The following SLF1 variants were observed in gnomAD, a reference collection of about 807,000 sequenced individuals.
SLF1 encodes SMC5/6 complex localization factor 1, also known as SMC5-SMC6 complex localization factor protein 1.
Under a neutral mutation model 123.0 loss-of-function variants are expected in SLF1, and 105 were observed. The ratio of observed to expected loss-of-function variants is 0.85; its 90% CI spans 0.73 to 1.00. SLF1 has a LOEUF of 1.00. Ranked by LOEUF, SLF1 falls within the 50% of genes least tolerant of loss-of-function variation. The probability of loss-of-function intolerance (pLI) is 0.00; values close to 1 mark genes in which losing one functional copy is unlikely to be tolerated. For synonymous variants in SLF1, 434 were observed against 406.6 expected (o/e 1.07, Z -0.81); for missense variants, 1,239 against 1,223.0 (o/e 1.01, Z -0.20).
chr5:94,649,829 C>T (rs1017619929), intron 6 of SLF1, among the ~76,000 whole-genome samples: 4 of 152,068 alleles, frequency 2.6e-5, no homozygotes, highest in Admixed American at 6.5e-5. Context: ...ATACATAGTG[C>T]GTTCTCAACA....
rs948422371 is a variant in SLF1, at chr5:94,627,600, A to G, written c.1-1211A>G. On this transcript the variant is annotated intron_variant, in intron 1 of 20. Coordinates refer to ENST00000265140, the MANE Select transcript of SLF1 (RefSeq NM_032290.4). ...ATGAAATTAACATATATATATATAT[A>G]TATATATATATATATATATAGCAAA... is the stretch of plus-strand genomic sequence containing the variant. Among the ~76,000 whole-genome samples the G allele has an allele frequency of 2.2e-4, 28 of 125,836 alleles. No individual in the cohort carries two copies. The South Asian group carries it at 3.4e-3, about 15-fold the overall frequency. The allele number at this position is 125,836 out of a possible 152,430, so 82.6% of individuals were successfully genotyped here.
Position 94,638,073 on chromosome 5 carries a change from C to A in SLF1, c.432-5200C>A, listed in dbSNP as rs898214602. 2.0e-5 allele frequency among the ~76,000 whole-genome samples: 3 copies of A among 152,096 alleles called. No individual in the cohort carries two copies. The South Asian group carries it at 6.2e-4, about 32-fold the overall frequency. ...GCAGGTGCTGTGCTGTTGACTGATA[C>A]CTCTGATTTGGTGCCATTGATGGCA... On this transcript the variant is annotated intron_variant, in intron 4 of 20. Transcript: ENST00000265140.
rs1745102361 is a variant in SLF1 at position 94,630,703 on chromosome 5, C to T, written c.391C>T (p.Leu131Phe). 6.4e-7 allele frequency: 1 copy of T among 1,551,504 alleles called. No individual in the cohort carries two copies. The highest frequency in any genetic ancestry group is 8.7e-7 in the Non-Finnish European group (1 of 1,146,952). ...PGAFHRWKVV[L>F]LVRTDKRSDS... The stretch of plus-strand genomic sequence containing the variant: ...AGCCTTCCACAGATGGAAAGTTGTC[C>T]TCCTTGTTAGAACTGATAAGCGAAG... Residue 131 changes from leucine (L) to phenylalanine (F), a missense_variant, in exon 4 of 21, where the codon CTC becomes TTC. Transcript: ENST00000265140.
At chr5:94,678,713 C>G in intron 14 of SLF1, 95 bp from the exon 15 acceptor site, 1 of 1,093,734 alleles carries the variant, frequency 9.1e-7, no homozygotes, top group Non-Finnish European at 1.3e-6. Context: ...TTTTAAATAG[C>G]TATGTTTTGC....
intron 1 of SLF1, among the ~76,000 whole-genome samples, chr5:94,622,570 A>AC (rs1644633014): frequency 1.3e-5 from 2 of 152,178 alleles, no homozygotes; most frequent in African/African-American, 4.8e-5. Context: ...CCCAGTGTTA[A>AC]CAATGGTATT....
chr5:94,631,175 T>G (rs2152467378), intron 4 of SLF1, among the ~76,000 whole-genome samples: 1 of 152,288 alleles, frequency 6.6e-6, no homozygotes, highest in Non-Finnish European at 1.5e-5. Flanking sequence ...TTTAAAAGCT[T>G]TTTTATTGGG....
At chr5:94,675,904 A>ATTTTTTTTTTTTTTTTTTTTTT (rs70978120) in intron 14 of SLF1, among the ~76,000 whole-genome samples, 3 of 121,716 alleles carry the variant, frequency 2.5e-5, no homozygotes, top group African/African-American at 3.1e-5. Context: ...CAACTGGTTG[A>ATTTTTTTTTTTTTTTTTTTTTT]TTTTTTTTTT....
At chr5:94,647,317 A>G (rs1198475501) in intron 5 of SLF1, among the ~76,000 whole-genome samples, 2 of 152,234 alleles carry the variant, frequency 1.3e-5, no homozygotes, top group East Asian at 1.9e-4. Flanking sequence ...TTCTTGATTT[A>G]TATGTCTCTT....
intron 12 of SLF1, among the ~76,000 whole-genome samples, chr5:94,667,621 A>T (rs1181066028): frequency 6.6e-6 from 1 of 152,234 alleles, no homozygotes; most frequent in Non-Finnish European, 1.5e-5. Context: ...AAGACCCTTC[A>T]TGAGTTAGCC....
At chr5:94,653,099 C>T (rs1345397100) in intron 7 of SLF1, among the ~76,000 whole-genome samples, 173 bp from the exon 8 acceptor site, 5 of 152,136 alleles carry the variant, frequency 3.3e-5, no homozygotes, top group African/African-American at 1.2e-4. Context: ...TCAGGTGATC[C>T]GCCCGCCTTG....
At chr5:94,679,074 T>C (rs1751452169) in intron 15 of SLF1, 119 bp downstream of exon 15, 18 of 1,121,774 alleles carry the variant, frequency 1.6e-5, no homozygotes, top group Non-Finnish European at 1.8e-5. Flanking sequence ...AAAATAGTTA[T>C]GGATGCACGC....
intron 15 of SLF1, among the ~76,000 whole-genome samples, chr5:94,682,020 G>GT (rs1220957843): frequency 6.6e-6 from 1 of 151,822 alleles, no homozygotes; most frequent in African/African-American, 2.4e-5. Context: ...GTGTGTGCAT[G>GT]TGTGTGTGTG....
intron 4 of SLF1, among the ~76,000 whole-genome samples, chr5:94,637,200 C>A (rs1561428690): frequency 6.6e-6 from 1 of 152,140 alleles, no homozygotes; most frequent in Non-Finnish European, 1.5e-5. Context: ...TCCAGGTGTT[C>A]TTTGGCAGGG....
intron 14 of SLF1, among the ~76,000 whole-genome samples, chr5:94,677,533 A>C (rs144889779): frequency 2.8e-4 from 43 of 152,310 alleles, no homozygotes; most frequent in Non-Finnish European, 5.7e-4. Flanking sequence ...ATATGGGATT[A>C]ATTAGAAAGA....
Position 94,692,077 on chromosome 5 carries a change from A to G in SLF1, c.2516A>G (p.Asn839Ser), listed in dbSNP as rs532421418. ...CTTGCCTTGATTTCTAATTTAGACA[A>G]TGCTGGCTGGACGCCTTTGCATGAA... Reference protein sequence around the residue: ...LPGIDINVKDNAGWTPLHEAC... With the variant: ...LPGIDINVKDSAGWTPLHEAC... Residue 839 changes from asparagine (N) to serine (S), a missense_variant, in exon 20 of 21, where the codon AAT (asparagine) becomes AGT (serine). Transcript: ENST00000265140. 1.2e-6 allele frequency: 2 copies of G among 1,613,332 alleles called. No individual in the cohort carries two copies. The highest frequency in any genetic ancestry group is 2.2e-5 in the East Asian group (1 of 44,868).
rs1753437677 is a variant in SLF1 at position 94,695,144 on chromosome 5, T to A, written c.3009T>A (p.His1003Gln). 1.2e-6 allele frequency: 2 copies of A among 1,612,686 alleles called. No individual in the cohort carries two copies. The highest frequency in any genetic ancestry group is 1.7e-6 in the Non-Finnish European group (2 of 1,179,170). ...GTCATAAAGAAACCACCAGTGTTCA[T>A]ACTGACTGGTTACTGGATCTTTATG... ...CKSHKETTSV[H>Q]TDWLLDLYAG... Residue 1003 changes from histidine to glutamine, a missense_variant, in exon 21 of 21, where the codon CAT becomes CAA. Coordinates refer to ENST00000265140, the MANE Select transcript of SLF1 (RefSeq NM_032290.4).
Position 94,691,577 on chromosome 5 carries a change from G to GC in SLF1, c.2434dup (p.His812ProfsTer2). ...TTTTTATGGCAGGAGAAACAGCCCTGCATAGAGCTTGCATAAATAACCAAG... is the reference window on the plus strand; with the variant it reads ...TTTTTATGGCAGGAGAAACAGCCCTGCCATAGAGCTTGCATAAATAACCAAG... On this transcript the variant is annotated frameshift_variant, in exon 19 of 21. Coordinates refer to ENST00000265140, the MANE Select transcript of SLF1 (RefSeq NM_032290.4). LOFTEE classifies it high-confidence loss of function. The GC allele has an allele frequency of 6.2e-7, 1 of 1,609,876 alleles. No homozygotes were observed. The highest frequency in any genetic ancestry group is 8.5e-7 in the Non-Finnish European group (1 of 1,178,800).
chr5:94,683,582 T>C (rs542770105), intron 15 of SLF1, among the ~76,000 whole-genome samples: 5 of 152,200 alleles, frequency 3.3e-5, no homozygotes, highest in African/African-American at 1.2e-4. Context: ...AGTAGAAGTT[T>C]GACAGGGCAG....
rs1205837092 is a variant in SLF1 at position 94,620,905 on chromosome 5, A to G, written c.-1+2140A>G. Among the ~76,000 whole-genome samples the G allele has an allele frequency of 2.6e-5, 4 of 152,298 alleles. No homozygotes were observed. In the East Asian group the frequency reaches 7.7e-4, roughly 29 times the overall value. ...ACTGTCTGGTTATTTTTGAGGAGGAAGAAAGACTTTCTCATATGAATCACT... is the reference window on the plus strand; with the variant it reads ...ACTGTCTGGTTATTTTTGAGGAGGAGGAAAGACTTTCTCATATGAATCACT... On this transcript the variant is annotated intron_variant, in intron 1 of 20. Transcript: ENST00000265140.
Sources: gnomAD v4.1 joint callset for allele counts (sites outside exome capture counted in the v4.1 genomes callset) on GRCh38, gnomAD v4.1.1 for gene constraint, MANE v1.5 for transcripts, NCBI Gene and HGNC (gene_info 2026-07-23, HGNC 2026-07-21) for gene names.